ITGA2: variants seen among roughly 807,000 people sequenced by gnomAD.
ITGA2 encodes integrin subunit alpha 2, also known as integrin alpha-2.
A neutral mutation model predicts 146.3 loss-of-function variants in ITGA2; 101 were observed. The ratio of observed to expected loss-of-function variants is 0.69; its 90% CI spans 0.59 to 0.81. The LOEUF (loss-of-function observed/expected upper bound fraction) is 0.81. Among genes scored for constraint, ITGA2 ranks in the 40% least tolerant of loss-of-function variants. The pLI, the probability that ITGA2 is intolerant of heterozygous loss-of-function variation, is 0.00. For missense variants in ITGA2, 1,281 were observed against 1,402.7 expected (o/e 0.91, Z 1.39); for synonymous variants, 477 against 487.1 (o/e 0.98, Z 0.27).
At position 53,065,072 on chromosome 5, in the gene ITGA2, T is replaced by A; in HGVS notation, c.1763T>A (p.Ile588Asn). 1 of 1,612,756 alleles carries A rather than the reference T, an allele frequency of 6.2e-7. No individual in the cohort carries two copies. Among genetic ancestry groups the A allele is most frequent in the Non-Finnish European group, 8.5e-7 (1 of 1,179,142 alleles). ...AATCAGAATTCTGGAGCTGTATACA[T>A]TTACAATGGTCATCAGGGCACTATC... Reference protein sequence around the residue: ...LENQNSGAVYIYNGHQGTIRT... With the variant: ...LENQNSGAVYNYNGHQGTIRT... The change falls in exon 14 of 30, where the codon ATT becomes AAT. Residue 588 changes from isoleucine to asparagine, a missense_variant. Transcript: ENST00000296585.
At chr5:53,087,443 T>C (rs1406766303) in intron 28 of ITGA2, among the ~76,000 whole-genome samples, 1 of 152,176 alleles carries the variant, frequency 6.6e-6, no homozygotes, top group Non-Finnish European at 1.5e-5. Context: ...ATCATGCTTA[T>C]TTAAATCATA....
chr5:53,033,470 A>T (rs947717276), intron 2 of ITGA2, among the ~76,000 whole-genome samples: 1 of 152,254 alleles, frequency 6.6e-6, no homozygotes, highest in Admixed American at 6.5e-5. Flanking sequence ...ATATTAGCCA[A>T]TTATCATCCT....
intron 26 of ITGA2, 149 bp downstream of exon 26, chr5:53,081,845 T>C: frequency 3.1e-6 from 2 of 639,386 alleles, no homozygotes; most frequent in Non-Finnish European, 5.6e-6. Context: ...AAATATTAGG[T>C]TGGTGCAAAA....
intron 1 of ITGA2, among the ~76,000 whole-genome samples, chr5:53,003,693 G>C (rs1249811874): frequency 6.6e-6 from 1 of 152,168 alleles, no homozygotes; most frequent in East Asian, 1.9e-4. Context: ...CTAGATTCAG[G>C]GGGAGGAGAC....
chr5:53,022,418 T>C (rs1004071694), intron 1 of ITGA2, among the ~76,000 whole-genome samples: 2 of 152,202 alleles, frequency 1.3e-5, no homozygotes, highest in African/African-American at 4.8e-5. Flanking sequence ...CCCAATCATA[T>C]GTTTCTCTTT....
At chr5:53,034,570 A>T (rs969021183) in intron 2 of ITGA2, among the ~76,000 whole-genome samples, 1 of 152,208 alleles carries the variant, frequency 6.6e-6, no homozygotes, top group African/African-American at 2.4e-5. Flanking sequence ...ATGTTGCTCC[A>T]GAATGTCTGC....
In ITGA2 at chr5:53,060,950, T is replaced by C. The variant is rs757847518; in HGVS notation, c.1362T>C (p.Ala454=). The C allele has an allele frequency of 6.2e-7, 1 of 1,612,560 alleles. No individual in the cohort carries two copies. The highest frequency in any genetic ancestry group is 8.5e-7 in the Non-Finnish European group (1 of 1,178,966). The change falls in exon 12 of 30, where the codon GCT becomes GCC. Residue 454 remains alanine, a synonymous_variant. Coordinates refer to ENST00000296585, the MANE Select transcript of ITGA2 (RefSeq NM_002203.4). ...ISTGESTHFV[A]GAPRANYTGQ... ...CTGGAGAAAGCACTCACTTTGTTGC[T>C]GGTGCTCCTCGGGCAAATTATACCG... is the stretch of plus-strand genomic sequence containing the variant.
chr5:53,088,098 G>A (rs1398412984), intron 28 of ITGA2, among the ~76,000 whole-genome samples: 2 of 152,184 alleles, frequency 1.3e-5, no homozygotes, highest in African/African-American at 4.8e-5. Flanking sequence ...ATCAGAAATA[G>A]AGCCAAAGGA....
chr5:53,048,203 T>A (rs1411259148), intron 4 of ITGA2, among the ~76,000 whole-genome samples, 160 bp from the exon 5 acceptor site: 1 of 152,214 alleles, frequency 6.6e-6, no homozygotes, highest in East Asian at 1.9e-4. Flanking sequence ...TCTCCATCAC[T>A]TCTGCTTTCC....
At position 53,060,967 on chromosome 5, in the gene ITGA2, A is replaced by G. The variant is rs747875129; in HGVS notation, c.1379A>G (p.Asn460Ser). 1 of 1,612,514 alleles carries G rather than the reference A, an allele frequency of 6.2e-7. No homozygotes were observed. Among genetic ancestry groups the G allele is most frequent in the Non-Finnish European group, 8.5e-7 (1 of 1,179,000 alleles). The change falls in exon 12 of 30, where the codon AAT becomes AGT. Residue 460 changes from asparagine (N) to serine (S), a missense_variant. By Grantham distance (46) the Asn-to-Ser change is conservative. This residue lies in a region of ITGA2 where 795 missense variants were observed against 841.7 expected (regional missense o/e 0.94). Coordinates refer to ENST00000296585, the MANE Select transcript of ITGA2 (RefSeq NM_002203.4). ...TTTGTTGCTGGTGCTCCTCGGGCAAATTATACCGGCCAGATAGTGCTATAT... is the reference window on the plus strand; with the variant it reads ...TTTGTTGCTGGTGCTCCTCGGGCAAGTTATACCGGCCAGATAGTGCTATAT... ...THFVAGAPRA[N>S]YTGQIVLYSV...
Position 53,023,055 on chromosome 5 carries a change from A to G in ITGA2, c.65-3693A>G, listed in dbSNP as rs140183665. On this transcript the variant is annotated intron_variant, in intron 1 of 29. Coordinates refer to ENST00000296585, the MANE Select transcript of ITGA2 (RefSeq NM_002203.4). Reference sequence around the variant, plus strand: ...TGGTTACTGTCAACACGTGTCTGACAAGGTCACCTTTGTTAAATATGTTGA... The same window carrying G: ...TGGTTACTGTCAACACGTGTCTGACGAGGTCACCTTTGTTAAATATGTTGA... 2.4e-3 allele frequency among the ~76,000 whole-genome samples: 363 copies of G among 152,340 alleles called. 3 individuals carry two copies. The highest frequency in any genetic ancestry group is 8.5e-3 in the African/African-American group (355 of 41,580).
In ITGA2 at chr5:53,026,740, C is replaced by T; in HGVS notation, c.65-8C>T. ...TAAATATGTGCTATTTCATATTTTT[C>T]TTAATAGGCATTTTAAATTGTTGTT... On this transcript the variant is annotated splice_region_variant and splice_polypyrimidine_tract_variant and intron_variant, in intron 1 of 29. Coordinates refer to ENST00000296585, the MANE Select transcript of ITGA2 (RefSeq NM_002203.4). 1.2e-6 allele frequency: 2 copies of T among 1,605,866 alleles called. No homozygotes were observed. The highest frequency in any genetic ancestry group is 1.1e-5 in the South Asian group (1 of 90,908).
chr5:53,055,501 T>G, intron 7 of ITGA2, 37 bp from the exon 8 acceptor site: 1 of 1,604,516 alleles, frequency 6.2e-7, no homozygotes, highest in Non-Finnish European at 8.5e-7. Context: ...ACTTCATATT[T>G]TGATAGCAAG....
At chr5:53,074,703 T>C (rs912105959) in intron 21 of ITGA2, among the ~76,000 whole-genome samples, 1 of 152,050 alleles carries the variant, frequency 6.6e-6, no homozygotes, top group Non-Finnish European at 1.5e-5. Context: ...TGGAAAGTTC[T>C]TTTTGTCTAA....
intron 15 of ITGA2, 127 bp downstream of exon 15, chr5:53,066,104 A>G (rs1197363158): frequency 3.3e-6 from 3 of 917,130 alleles, no homozygotes; most frequent in African/African-American, 1.6e-5. Context: ...TCGATGTATC[A>G]TAGTTTGCAC....
At chr5:53,000,989 A>G (rs555354433) in intron 1 of ITGA2, among the ~76,000 whole-genome samples, 27 of 142,934 alleles carry the variant, frequency 1.9e-4, no homozygotes, top group Non-Finnish European at 2.7e-4. Context: ...GCAACTTCCA[A>G]CTCCCGGGTT....
intron 11 of ITGA2, among the ~76,000 whole-genome samples, chr5:53,060,590 C>A (rs1744857428): frequency 1.3e-5 from 2 of 151,900 alleles, no homozygotes. Flanking sequence ...CTTTTAAATA[C>A]ATTTATTCAT....
intron 24 of ITGA2, among the ~76,000 whole-genome samples, chr5:53,079,781 A>G (rs960708362): frequency 4.6e-5 from 7 of 152,160 alleles, no homozygotes; most frequent in African/African-American, 1.7e-4. Flanking sequence ...AGAGTGTGTA[A>G]TAAGTATACA....
At chr5:53,060,880 C>G in intron 11 of ITGA2, 21 bp from the exon 12 acceptor site, 1 of 1,610,346 alleles carries the variant, frequency 6.2e-7, no homozygotes, top group South Asian at 1.1e-5. Flanking sequence ...GTTAATCACT[C>G]TGTTGCTCCT....
Sources: allele counts gnomAD v4.1 joint callset (sites outside exome capture counted in the v4.1 genomes callset), GRCh38; gene constraint gnomAD v4.1.1; regional missense constraint gnomAD v4.1.1; transcripts MANE v1.5; gene names NCBI Gene and HGNC (gene_info 2026-07-23, HGNC 2026-07-21).